Variants in XPO6 observed in about 807,000 individuals in gnomAD.
XPO6 encodes exportin-6.
A neutral mutation model predicts 130.0 loss-of-function variants in XPO6; 3 were observed. The ratio of observed to expected loss-of-function variants is 0.02; its 90% CI spans 0.01 to 0.06. The LOEUF is 0.06. Ranked by LOEUF, XPO6 falls within the 10% of genes least tolerant of loss-of-function variation. XPO6 has a pLI of 1.00. For synonymous variants in XPO6, 524 were observed against 548.9 expected, an observed-to-expected ratio of 0.95 and a Z score of 0.63; for missense variants, 970 against 1,393.0, an observed-to-expected ratio of 0.70 and a Z score of 4.83.
chr16:28,156,599 C>CAA (rs34751450), intron 6 of XPO6, 72 bp from the exon 7 acceptor site: 222,474 of 918,682 alleles, frequency 0.24, 29,305 homozygotes, highest in African/African-American at 0.3. Flanking sequence ...AATTCTCCTT[C>CAA]AAAAAAATAT....
At chr16:28,188,639 T>C (rs1749675714) in intron 1 of XPO6, among the ~76,000 whole-genome samples, 1 of 115,912 alleles carries the variant, frequency 8.6e-6, no homozygotes, top group Admixed American at 1.2e-4. Context: ...TCTCAGATCA[T>C]CACTCTCACT....
In XPO6 at chr16:28,106,891, G is replaced by C. The variant is rs976860336; in HGVS notation, c.2498-394C>G. On this transcript the variant is annotated intron_variant, in intron 18 of 23. Coordinates refer to ENST00000304658, the MANE Select transcript of XPO6 (RefSeq NM_015171.4). This position sits in a 1 kb window ranked among gnomAD's most constrained non-coding sequence, Gnocchi z 4.2. ...CTATGACTAATAATCCCTGCAGCTG[G>C]GTCAGGGGTTAAGTGGTTGAAAGTG... 1.3e-5 allele frequency among the ~76,000 whole-genome samples: 2 copies of C among 152,256 alleles called. No homozygotes were observed. The highest frequency in any genetic ancestry group is 4.1e-4 in the South Asian group (2 of 4,826).
intron 20 of XPO6, 114 bp from the exon 21 acceptor site, chr16:28,104,821 C>G: frequency 1.7e-6 from 2 of 1,200,664 alleles, no homozygotes; most frequent in Non-Finnish European, 2.3e-6. Context: ...AGTGTCAACA[C>G]TCCATCCACA....
chr16:28,153,730 A>T, intron 7 of XPO6: 1 of 985,482 alleles, frequency 1.0e-6, no homozygotes, highest in African/African-American at 1.7e-5. Flanking sequence ...ACAAAAAGGT[A>T]AAGACATACT....
At position 28,211,456 on chromosome 16, in the gene XPO6, G is replaced by C; in HGVS notation, c.-88C>G. 7.8e-7 allele frequency: 1 copy of C among 1,282,136 alleles called. No homozygotes were observed. Among genetic ancestry groups the C allele is most frequent in the Non-Finnish European group, 1.0e-6 (1 of 1,001,218 alleles). The allele number at this position is 1,282,136 out of a possible 1,614,324, so 79.4% of individuals were successfully genotyped here. A position where few individuals can be genotyped will look rare whatever the true frequency, so the allele number is the denominator to read the frequency against. On this transcript the variant is annotated 5_prime_UTR_variant, in exon 1 of 24. Transcript: ENST00000304658. ...CACAGTTCAGGTCATGGTCCCGGCAGACTCGGGAAGTCCCCCACCCATGCA... is the reference window on the plus strand; with the variant it reads ...CACAGTTCAGGTCATGGTCCCGGCACACTCGGGAAGTCCCCCACCCATGCA...
At chr16:28,149,747 T>C (rs574743362) in intron 8 of XPO6, among the ~76,000 whole-genome samples, 4 of 152,284 alleles carry the variant, frequency 2.6e-5, no homozygotes, top group Admixed American at 2.0e-4. Flanking sequence ...ACCTAACACA[T>C]TCATCAGAAC....
chr16:28,174,703 A>T (rs1209072230), intron 4 of XPO6, among the ~76,000 whole-genome samples: 3 of 152,254 alleles, frequency 2.0e-5, no homozygotes, highest in African/African-American at 7.2e-5. Flanking sequence ...GAATTGCTGC[A>T]TCATTAAAAT....
chr16:28,187,591 A>G (rs967816835), intron 1 of XPO6, among the ~76,000 whole-genome samples: 6 of 151,272 alleles, frequency 4.0e-5, no homozygotes, highest in Non-Finnish European at 4.4e-5. Context: ...ACACAATGTC[A>G]GGCATGAAGT....
rs1158204334 is a variant in XPO6, at chr16:28,160,503, C to CAAA, written c.644-3977_644-3976insTTT. ...TGGATAACAAAGTGAGACTCCATCA[C>CAAA]CAAAAAAAAAAAAAAAATCAAGTAA... On this transcript the variant is annotated intron_variant, in intron 6 of 23. Coordinates refer to ENST00000304658, the MANE Select transcript of XPO6 (RefSeq NM_015171.4). 3.5e-4 allele frequency among the ~76,000 whole-genome samples: 41 copies of CAAA among 116,672 alleles called. 4 individuals carry two copies. The highest frequency in any genetic ancestry group is 1.7e-3 in the African/African-American group (40 of 24,096). The allele number at this position is 116,672 out of a possible 152,430, so 76.5% of individuals were successfully genotyped here.
chr16:28,157,802 A>G (rs1381422762), intron 6 of XPO6, among the ~76,000 whole-genome samples: 1 of 152,240 alleles, frequency 6.6e-6, no homozygotes, highest in Non-Finnish European at 1.5e-5. Context: ...AGGAACCTTC[A>G]CAAGGCGGTG....
intron 15 of XPO6, 49 bp from the exon 16 acceptor site, chr16:28,113,099 G>T: frequency 6.3e-7 from 1 of 1,582,310 alleles, no homozygotes. Flanking sequence ...TGTAAGACTG[G>T]GATTCGAACT....
intron 6 of XPO6, among the ~76,000 whole-genome samples, chr16:28,156,947 T>C (rs1054367314): frequency 1.2e-4 from 18 of 152,266 alleles, no homozygotes; most frequent in African/African-American, 4.1e-4. Flanking sequence ...AAAAGCATGA[T>C]ACATGACCAT....
At chr16:28,169,096 C>A (rs556114404) in intron 5 of XPO6, among the ~76,000 whole-genome samples, 1 of 152,362 alleles carries the variant, frequency 6.6e-6, no homozygotes, top group African/African-American at 2.4e-5. Context: ...AGGCTCCCGG[C>A]ACCCTCAGGG....
chr16:28,100,224 A>G (rs890662477), intron 23 of XPO6, among the ~76,000 whole-genome samples: 3 of 152,092 alleles, frequency 2.0e-5, no homozygotes, highest in African/African-American at 7.2e-5. Flanking sequence ...CCCTAACCTC[A>G]AGTGATCCGC....
In XPO6 at chr16:28,117,480, G is replaced by T. The variant is rs1427712875; in HGVS notation, c.1860-18C>A. The T allele has an allele frequency of 2.5e-6, 4 of 1,608,954 alleles. No homozygotes were observed. Among genetic ancestry groups the T allele is most frequent in the Non-Finnish European group, 3.4e-6 (4 of 1,175,686 alleles). On this transcript the variant is annotated intron_variant, in intron 14 of 23. Coordinates refer to ENST00000304658, the MANE Select transcript of XPO6 (RefSeq NM_015171.4). Reference sequence around the variant, plus strand: ...GAGCATGCCTGCAGAAAGAAAAGAAGATGTGATTTTAAAGGTTAAGGTGAA... The same window carrying T: ...GAGCATGCCTGCAGAAAGAAAAGAATATGTGATTTTAAAGGTTAAGGTGAA...
chr16:28,156,025 G>GT (rs1320130538), intron 7 of XPO6, 49 bp downstream of exon 7: 2 of 1,554,752 alleles, frequency 1.3e-6, no homozygotes, highest in Non-Finnish European at 1.7e-6. Flanking sequence ...ATGGTAAACA[G>GT]TCAGGGCCCT....
At chr16:28,134,007 C>CA in intron 10 of XPO6, 74 bp from the exon 11 acceptor site, 3 of 1,448,678 alleles carry the variant, frequency 2.1e-6, no homozygotes, top group Non-Finnish European at 2.9e-6. Context: ...AGACCACTCT[C>CA]AGACATAAAA....
chr16:28,165,850 T>C (rs909412627), intron 6 of XPO6, among the ~76,000 whole-genome samples: 2 of 152,248 alleles, frequency 1.3e-5, no homozygotes, highest in African/African-American at 4.8e-5. Context: ...TAAAAGTTCC[T>C]GTTCAGATGC....
chr16:28,104,280 G>A (rs1272630271), intron 21 of XPO6, among the ~76,000 whole-genome samples: 1 of 152,172 alleles, frequency 6.6e-6, no homozygotes, highest in Non-Finnish European at 1.5e-5. Flanking sequence ...TGAGGTCAGC[G>A]GAACTGACGT....
Sources: gnomAD v4.1 joint callset for allele counts (sites outside exome capture counted in the v4.1 genomes callset) on GRCh38, gnomAD v4.1.1 for gene constraint, Gnocchi (gnomAD v3.1) non-coding constraint, MANE v1.5 for transcripts, NCBI Gene and HGNC (gene_info 2026-07-23, HGNC 2026-07-21) for gene names.